AQP7: variants seen among roughly 807,000 people sequenced by gnomAD.
AQP7 encodes the protein aquaporin 7.
A neutral mutation model predicts 26.1 loss-of-function variants in AQP7; 22 were observed. The observed-to-expected ratio is 0.84, with a 90% CI of 0.60 to 1.20. AQP7 has a LOEUF of 1.20. Ranked by LOEUF, AQP7 falls within the 50% of genes most tolerant of loss-of-function variation. The pLI, the probability that AQP7 is intolerant of heterozygous loss-of-function variation, is 0.00. For synonymous variants in AQP7, 167 were observed against 181.7 expected, an observed-to-expected ratio of 0.92 and a Z score of 0.65; for missense variants, 412 against 457.5, an observed-to-expected ratio of 0.90 and a Z score of 0.91.
intron 3 of AQP7, among the ~76,000 whole-genome samples, chr9:33,390,129 G>C (rs572223514): frequency 1.3e-5 from 2 of 152,244 alleles, no homozygotes; most frequent in African/African-American, 4.8e-5. Flanking sequence ...GAGAGAACAT[G>C]ATCCCGCGAA....
intron 3 of AQP7, among the ~76,000 whole-genome samples, chr9:33,391,757 A>T (rs188690274): frequency 9.8e-5 from 15 of 152,378 alleles, no homozygotes; most frequent in Admixed American, 9.8e-4. Context: ...GCAACTAAAA[A>T]TAACAACAAC....
chr9:33,387,402 C>T (rs910262781), intron 3 of AQP7, among the ~76,000 whole-genome samples: 8 of 152,112 alleles, frequency 5.3e-5, no homozygotes, highest in African/African-American at 7.2e-5. Context: ...GGCAGGGCTG[C>T]GAGGAGGGGA....
intron 2 of AQP7, among the ~76,000 whole-genome samples, chr9:33,397,759 A>G (rs1290080749): frequency 6.6e-6 from 1 of 152,068 alleles, no homozygotes; most frequent in African/African-American, 2.4e-5. Context: ...CCCAGCTCCC[A>G]TGCTGGAGGT....
At position 33,401,242 on chromosome 9, in the gene AQP7, G is replaced by A; in HGVS notation, c.21C>T (p.His7=). 1 of 1,549,404 alleles carries A rather than the reference G, an allele frequency of 6.5e-7. No individual in the cohort carries two copies. Among genetic ancestry groups the A allele is most frequent in the African/African-American group, 1.4e-5 (1 of 73,080 alleles). The change falls in exon 2 of 8, where the codon CAC becomes CAT. Residue 7 remains histidine, a synonymous_variant. Transcript: ENST00000297988. ...GAAGAGGGTGGGGTACTTACCGCCT[G>A]TGCCCGGATGCTTGAACCATGTTTT... MVQASG[H]RRSTRGSKMV...
chr9:33,397,155 A>C (rs1825915475), intron 2 of AQP7, among the ~76,000 whole-genome samples: 1 of 151,228 alleles, frequency 6.6e-6, no homozygotes, highest in African/African-American at 2.4e-5. Context: ...TTTTCTTCCT[A>C]AGGGCTGGGA....
At chr9:33,387,529 TGC>T (rs1491364358) in intron 3 of AQP7, among the ~76,000 whole-genome samples, 1 of 151,420 alleles carries the variant, frequency 6.6e-6, no homozygotes, top group Non-Finnish European at 1.5e-5. Flanking sequence ...AACCCCTCCC[TGC>T]ACAAACACAC....
At position 33,385,154 on chromosome 9, in the gene AQP7, C is replaced by T; in HGVS notation, c.880G>A (p.Glu294Lys). The stretch of plus-strand genomic sequence containing the variant: ...GGCAATACGGTTATCCCGTGGTCTT[C>T]ATACGCCACAGAATCCTCCAATTTC... ...PLKLEDSVAY[E>K]DHGITVLPKM... Residue 294 changes from glutamate (E) to lysine (K), a missense_variant, in exon 8 of 8, where the codon GAA (glutamate) becomes AAA (lysine). Physicochemically the swap from Glu to Lys is moderately conservative, Grantham distance 56. Transcript: ENST00000297988. 1.2e-6 allele frequency: 2 copies of T among 1,611,940 alleles called. No homozygotes were observed. Among genetic ancestry groups the T allele is most frequent in the Non-Finnish European group, 1.7e-6 (2 of 1,179,834 alleles).
intron 2 of AQP7, among the ~76,000 whole-genome samples, chr9:33,397,430 G>A (rs570457783): frequency 6.2e-4 from 95 of 152,176 alleles, no homozygotes; most frequent in Admixed American, 1.2e-3. Context: ...GGGATAATGA[G>A]ACCCCTATAC....
chr9:33,397,783 G>A (rs1397260550), intron 2 of AQP7, among the ~76,000 whole-genome samples: 1 of 152,136 alleles, frequency 6.6e-6, no homozygotes, highest in Non-Finnish European at 1.5e-5. Context: ...CACAGAAGAG[G>A]AGAGAGAAGT....
At chr9:33,397,345 A>G (rs530060559) in intron 2 of AQP7, among the ~76,000 whole-genome samples, 4 of 151,680 alleles carry the variant, frequency 2.6e-5, no homozygotes, top group African/African-American at 9.7e-5. Flanking sequence ...CCTCTATGGT[A>G]CCTTCCCAGG....
At chr9:33,401,437 C>T (rs879222526) in intron 1 of AQP7, 150 bp from the exon 2 acceptor site, 2 of 673,600 alleles carry the variant, frequency 3.0e-6, no homozygotes, top group East Asian at 2.8e-5. Context: ...GAGGGAGGAG[C>T]GGTGCTCAGC....
rs976037841 is a variant in AQP7 at position 33,400,862 on chromosome 9, G to A, written c.26+375C>T. On this transcript the variant is annotated intron_variant, in intron 2 of 7. Transcript: ENST00000297988. ...TGTGGCTGGAGGAGGGAGAGCAGGG[G>A]GCTGGAGTGGGGAGGCCAGAAAGCT... 6.2e-5 allele frequency: 16 copies of A among 257,536 alleles called. 1 individual carries two copies. Among genetic ancestry groups the A allele is most frequent in the African/African-American group, 3.5e-4 (16 of 45,886 alleles). The allele number at this position is 257,536 out of a possible 1,614,324, so 16.0% of individuals were successfully genotyped here.
chr9:33,391,745 T>C (rs1465938820), intron 3 of AQP7, among the ~76,000 whole-genome samples: 1 of 152,244 alleles, frequency 6.6e-6, no homozygotes, highest in African/African-American at 2.4e-5. Context: ...TGGCACAGCC[T>C]GGCAACTAAA....
intron 2 of AQP7, among the ~76,000 whole-genome samples, chr9:33,397,892 C>A (rs1296029138): frequency 6.6e-6 from 1 of 152,202 alleles, no homozygotes; most frequent in Non-Finnish European, 1.5e-5. Flanking sequence ...AACAGATAAC[C>A]ACCAACCAGC....
rs114484742 is a variant in AQP7 at position 33,385,752 on chromosome 9, C to T, written c.640G>A (p.Gly214Arg). ...CCTGTGTTCATGCCAAGGGACACCC[C>T]GATGATGACCACGAGGATGCCTATC... ...LVIGILVVIIGVSLGMNTGYA... is the reference protein window; with the variant it reads ...LVIGILVVIIRVSLGMNTGYA... The change falls in exon 7 of 8, where the codon GGG becomes AGG. Residue 214 changes from glycine (G) to arginine (R), a missense_variant. Coordinates refer to ENST00000297988, the MANE Select transcript of AQP7 (RefSeq NM_001170.3). The T allele has an allele frequency of 1.1e-4, 177 of 1,613,676 alleles. 1 individual carries two copies. Among genetic ancestry groups the T allele is most frequent in the Non-Finnish European group, 1.3e-4 (151 of 1,180,040 alleles).
chr9:33,389,958 G>A (rs1457556119), intron 3 of AQP7, among the ~76,000 whole-genome samples: 1 of 150,958 alleles, frequency 6.6e-6, no homozygotes, highest in African/African-American at 2.4e-5. Flanking sequence ...AACCCAAGAC[G>A]CGGAGCTTGC....
rs1055998 is a variant in AQP7 at position 33,383,365 on chromosome 9, T to G, written c.*1640A>C. ...TCCCATAGGCAACTCAGACTCAGCATGTCCATGATGTAACTTATCTTCCTC... is the reference window on the plus strand; with the variant it reads ...TCCCATAGGCAACTCAGACTCAGCAGGTCCATGATGTAACTTATCTTCCTC... On this transcript the variant is annotated 3_prime_UTR_variant, in exon 8 of 8. Coordinates refer to ENST00000297988, the MANE Select transcript of AQP7 (RefSeq NM_001170.3). The G allele has an allele frequency of 1.3e-5, 2 of 152,198 alleles. No individual in the cohort carries two copies. The highest frequency in any genetic ancestry group is 4.8e-5 in the African/African-American group (2 of 41,418). The allele number at this position is 152,198 out of a possible 1,614,324, so 9.4% of individuals were successfully genotyped here.
chr9:33,389,283 C>T (rs1825161195), intron 3 of AQP7, among the ~76,000 whole-genome samples: 1 of 152,194 alleles, frequency 6.6e-6, no homozygotes, highest in Non-Finnish European at 1.5e-5. Flanking sequence ...CCTGCCTTGG[C>T]CTCCCAAAGT....
Position 33,385,749 on chromosome 9 carries a change from C to T in AQP7, c.643G>A (p.Val215Met), listed in dbSNP as rs768096479. 3 of 1,613,868 alleles carry T rather than the reference C, an allele frequency of 1.9e-6. No homozygotes were observed. Among genetic ancestry groups the T allele is most frequent in the South Asian group, 2.2e-5 (2 of 91,064 alleles). ...TATCCTGTGTTCATGCCAAGGGACA[C>T]CCCGATGATGACCACGAGGATGCCT... ...VIGILVVIIG[V>M]SLGMNTGYAI... The change falls in exon 7 of 8, where the codon GTG (valine) becomes ATG (methionine). Residue 215 changes from valine to methionine, a missense_variant. By Grantham distance (21) the Val-to-Met change is conservative. Coordinates refer to ENST00000297988, the MANE Select transcript of AQP7 (RefSeq NM_001170.3).
Sources: allele counts gnomAD v4.1 joint callset (sites outside exome capture counted in the v4.1 genomes callset), GRCh38; gene constraint gnomAD v4.1.1; transcripts MANE v1.5; gene names NCBI Gene and HGNC (gene_info 2026-07-23, HGNC 2026-07-21).